OVAAL: variants seen among roughly 807,000 people sequenced by gnomAD.
OVAAL encodes the protein long intergenic non-protein coding RNA 1131.
chr1:180,562,155 A>G (rs1192926512), intron 1 of OVAAL: 2 of 152,338 alleles, frequency 1.3e-5, no homozygotes, highest in South Asian at 2.1e-4. Flanking sequence ...ATCAGTAGGT[A>G]TGGAGATTGG....
At chr1:180,565,804 A>G (rs1326022153) in exon 3 of OVAAL, 1 of 152,192 alleles carries the variant, frequency 6.6e-6, no homozygotes, top group Non-Finnish European at 1.5e-5. Flanking sequence ...TACCCCATCT[A>G]GCCACAAATA....
Position 180,560,951 on chromosome 1 carries a change from G to T in OVAAL, n.373-1253G>T, listed in dbSNP as rs16856167. On this transcript the variant is annotated intron_variant and non_coding_transcript_variant, in intron 1 of 2. Transcript: ENST00000673955. ...AACGCCACGCTTACATTTTTTAAAG[G>T]TTTTATATGGTAAGTCATCTTAGGG... Among the ~76,000 whole-genome samples, 986 of 152,244 alleles carry T rather than the reference G, an allele frequency of 6.5e-3. 6 individuals are homozygous for T. Among genetic ancestry groups the T allele is most frequent in the African/African-American group, 0.022 (917 of 41,536 alleles).
intron 2 of OVAAL, among the ~76,000 whole-genome samples, chr1:180,563,765 C>T (rs926871477): frequency 3.3e-5 from 5 of 152,084 alleles, no homozygotes; most frequent in East Asian, 1.9e-4. Context: ...AGTTAAACTC[C>T]GCCATTTTGC....
chr1:180,561,874 A>T (rs10798776), intron 1 of OVAAL, among the ~76,000 whole-genome samples: 140,458 of 152,056 alleles, frequency 0.92, 64,963 homozygotes, highest in African/African-American at 0.97. Context: ...AATACAAAAA[A>T]TAGCCGGACA....
intron 2 of OVAAL, among the ~76,000 whole-genome samples, chr1:180,562,904 A>C (rs1031605182): frequency 6.6e-6 from 1 of 152,246 alleles, no homozygotes; most frequent in Admixed American, 6.5e-5. Flanking sequence ...TGGTTAGACT[A>C]ATTTCCTAGT....
chr1:180,562,810 C>T (rs907669624), intron 2 of OVAAL, among the ~76,000 whole-genome samples: 1 of 152,184 alleles, frequency 6.6e-6, no homozygotes, highest in Non-Finnish European at 1.5e-5. Flanking sequence ...GATATGTGAG[C>T]AGGCCACTAT....
chr1:180,562,605 C>A (rs188924885), intron 2 of OVAAL, among the ~76,000 whole-genome samples: 25 of 152,156 alleles, frequency 1.6e-4, no homozygotes, highest in Non-Finnish European at 2.9e-5. Flanking sequence ...ATTTGATAAC[C>A]CAGAGAAGAA....
chr1:180,563,102 G>A (rs1165888822), intron 2 of OVAAL, among the ~76,000 whole-genome samples: 2 of 152,198 alleles, frequency 1.3e-5, no homozygotes, highest in African/African-American at 2.4e-5. Flanking sequence ...GCTACTCCCA[G>A]CAGGGTTCAG....
intron 2 of OVAAL, among the ~76,000 whole-genome samples, chr1:180,563,218 T>C (rs1653237420): frequency 6.6e-6 from 1 of 152,192 alleles, no homozygotes; most frequent in Admixed American, 6.5e-5. Flanking sequence ...CAAGTTAGAA[T>C]GGGTTTAACA....
At chr1:180,563,747 C>T (rs566044745) in intron 2 of OVAAL, among the ~76,000 whole-genome samples, 17 of 152,234 alleles carry the variant, frequency 1.1e-4, no homozygotes, top group African/African-American at 4.1e-4. Context: ...CCCAGAAGAT[C>T]AAATACCAGT....
intron 1 of OVAAL, among the ~76,000 whole-genome samples, chr1:180,559,773 G>C (rs971403078): frequency 1.3e-5 from 2 of 152,022 alleles, no homozygotes; most frequent in South Asian, 4.2e-4. Flanking sequence ...GGGCGTGGTG[G>C]TGTGTGCCTG....
intron 1 of OVAAL, among the ~76,000 whole-genome samples, chr1:180,560,175 A>G (rs1250871046): frequency 1.3e-5 from 2 of 152,182 alleles, no homozygotes; most frequent in East Asian, 1.9e-4. Context: ...TGTCTCCCCA[A>G]GATATGAGCT....
chr1:180,564,382 C>T (rs1653259115), intron 2 of OVAAL, among the ~76,000 whole-genome samples: 1 of 152,100 alleles, frequency 6.6e-6, no homozygotes, highest in Non-Finnish European at 1.5e-5. Flanking sequence ...TAAAATTTCA[C>T]TGGGCATTCT....
intron 2 of OVAAL, among the ~76,000 whole-genome samples, chr1:180,564,208 G>A (rs1653256910): frequency 6.6e-6 from 1 of 152,104 alleles, no homozygotes; most frequent in Non-Finnish European, 1.5e-5. Context: ...AGCTAGCCAT[G>A]CTCTTAAATT....
At chr1:180,559,634 A>G (rs1356357061) in intron 1 of OVAAL, among the ~76,000 whole-genome samples, 3 of 152,190 alleles carry the variant, frequency 2.0e-5, no homozygotes. Context: ...CCGGCCGGGC[A>G]CGGTGGTTCA....
At chr1:180,561,786 G>A (rs2102145056) in intron 1 of OVAAL, among the ~76,000 whole-genome samples, 1 of 152,248 alleles carries the variant, frequency 6.6e-6, no homozygotes, top group South Asian at 2.1e-4. Flanking sequence ...ACTTTGGGAG[G>A]CAGAGGCTGG....
exon 3 of OVAAL, chr1:180,565,989 C>G (rs907908211): frequency 6.6e-6 from 1 of 152,208 alleles, no homozygotes; most frequent in East Asian, 1.9e-4. Context: ...TAATCAATCC[C>G]TTTGGCCTTC....
chr1:180,564,268 T>C (rs1653257864), intron 2 of OVAAL, among the ~76,000 whole-genome samples: 1 of 152,298 alleles, frequency 6.6e-6, no homozygotes, highest in South Asian at 2.1e-4. Context: ...AAATACAAGA[T>C]GCTCTGTTAA....
At chr1:180,563,976 G>A (rs1440420288) in intron 2 of OVAAL, among the ~76,000 whole-genome samples, 2 of 152,128 alleles carry the variant, frequency 1.3e-5, no homozygotes, top group African/African-American at 4.8e-5. Flanking sequence ...CCGGTGGGGT[G>A]TGGGGACCCT....
Sources: gnomAD v4.1 joint callset for allele counts (sites outside exome capture counted in the v4.1 genomes callset) on GRCh38, gnomAD v4.1.1 for gene constraint, MANE v1.5 for transcripts, NCBI Gene and HGNC (gene_info 2026-07-23, HGNC 2026-07-21) for gene names.